MAPKAP1: variants seen among roughly 807,000 people sequenced by gnomAD.
MAPKAP1 encodes the protein target of rapamycin complex 2 subunit MAPKAP1.
MAPKAP1 carries 20 observed loss-of-function variants against 65.7 expected under a neutral mutation model. The observed-to-expected ratio is 0.30, with a 90% CI of 0.21 to 0.44. The LOEUF is 0.44. Ranked by LOEUF, MAPKAP1 falls within the 20% of genes least tolerant of loss-of-function variation. The pLI is 1.00. For missense variants in MAPKAP1, 423 were observed against 648.0 expected (o/e 0.65, Z 3.77); for synonymous variants, 222 against 244.3 (o/e 0.91, Z 0.85).
chr9:125,692,545 C>T (rs1835201844), intron 1 of MAPKAP1, among the ~76,000 whole-genome samples: 1 of 152,034 alleles, frequency 6.6e-6, no homozygotes, highest in South Asian at 2.1e-4. Flanking sequence ...TCTGAGGTGA[C>T]AAAAATGTTC....
At chr9:125,689,281 C>A (rs1835085532) in intron 1 of MAPKAP1, among the ~76,000 whole-genome samples, 1 of 151,040 alleles carries the variant, frequency 6.6e-6, no homozygotes, top group South Asian at 2.1e-4. Context: ...ACTAAAAATA[C>A]AAAAAATTAG....
chr9:125,506,299 G>A lies in MAPKAP1; in HGVS notation c.1066+11C>T, dbSNP rs376117399. 8.5e-4 allele frequency: 1,365 copies of A among 1,610,162 alleles called. 11 individuals are homozygous for A. Among genetic ancestry groups the A allele is most frequent in the South Asian group, 5.3e-3 (486 of 91,016 alleles). On this transcript the variant is annotated intron_variant, in intron 8 of 11. Coordinates refer to ENST00000265960, the MANE Select transcript of MAPKAP1 (RefSeq NM_001006617.3). ...GGACAAAGCGGGCATGGAGCGAGGCGGCCAACGTACTGTTCTCGCGGACCA... is the reference window on the plus strand; with the variant it reads ...GGACAAAGCGGGCATGGAGCGAGGCAGCCAACGTACTGTTCTCGCGGACCA...
chr9:125,495,961 C>CA (rs376464460), intron 8 of MAPKAP1, among the ~76,000 whole-genome samples: 17 of 152,230 alleles, frequency 1.1e-4, no homozygotes, highest in African/African-American at 3.9e-4. Flanking sequence ...CTCAGGCAGA[C>CA]ACACTCAGTA....
intron 10 of MAPKAP1, among the ~76,000 whole-genome samples, chr9:125,456,463 C>A (rs997841799): frequency 2.6e-5 from 4 of 152,184 alleles, no homozygotes; most frequent in African/African-American, 9.7e-5. Context: ...TGAAATGGCT[C>A]CCAATGATCC....
At chr9:125,560,063 C>A (rs926725343) in intron 5 of MAPKAP1, among the ~76,000 whole-genome samples, 1 of 152,186 alleles carries the variant, frequency 6.6e-6, no homozygotes, top group Non-Finnish European at 1.5e-5. Context: ...AGCCCTATTG[C>A]AGCTACGACA....
chr9:125,613,893 G>C (rs1026316900), intron 4 of MAPKAP1, among the ~76,000 whole-genome samples: 6 of 151,866 alleles, frequency 4.0e-5, no homozygotes, highest in Non-Finnish European at 5.9e-5. Context: ...CGCCTCCCAG[G>C]TTCACGCCAT....
intron 3 of MAPKAP1, among the ~76,000 whole-genome samples, chr9:125,663,866 T>C (rs541676450): frequency 1.3e-5 from 2 of 152,240 alleles, no homozygotes; most frequent in South Asian, 4.1e-4. Flanking sequence ...ATATAAACAG[T>C]TGGACTTCAC....
intron 1 of MAPKAP1, among the ~76,000 whole-genome samples, chr9:125,676,623 T>C (rs1834653352): frequency 6.6e-6 from 1 of 152,114 alleles, no homozygotes; most frequent in Non-Finnish European, 1.5e-5. Context: ...AAGGTAGTAA[T>C]GGGGAAAAAG....
At chr9:125,612,205 A>G (rs906168809) in intron 4 of MAPKAP1, among the ~76,000 whole-genome samples, 3 of 152,188 alleles carry the variant, frequency 2.0e-5, no homozygotes, top group Non-Finnish European at 4.4e-5. Flanking sequence ...TCAGATTTTC[A>G]GAGTAAGAAT....
In MAPKAP1 at chr9:125,506,312, T is replaced by C. The variant is rs780342096; in HGVS notation, c.1064A>G (p.Asn355Ser). The C allele has an allele frequency of 1.2e-6, 2 of 1,613,868 alleles. No individual in the cohort carries two copies. Among genetic ancestry groups the C allele is most frequent in the Non-Finnish European group, 8.5e-7 (1 of 1,179,874 alleles). The change falls in exon 8 of 12, where the codon AAC becomes AGC. Residue 355 changes from asparagine (N) to serine (S), a missense_variant and splice_region_variant. Around this residue, in one of 6 missense-constraint regions of MAPKAP1, gnomAD observed 185 missense variants for 268.1 expected, o/e 0.69. Coordinates refer to ENST00000265960, the MANE Select transcript of MAPKAP1 (RefSeq NM_001006617.3). ...SAWEFCLVRE[N>S]SSRADGVFEE... Reference sequence around the variant, plus strand: ...ATGGAGCGAGGCGGCCAACGTACTGTTCTCGCGGACCAGGCAGAACTCCCA... The same window carrying C: ...ATGGAGCGAGGCGGCCAACGTACTGCTCTCGCGGACCAGGCAGAACTCCCA...
rs772285606 is a variant in MAPKAP1, at chr9:125,559,674, T to C, written c.807A>G (p.Ser269=). Residue 269 remains serine, a synonymous_variant, in exon 6 of 12, where the codon TCA becomes TCG. Coordinates refer to ENST00000265960, the MANE Select transcript of MAPKAP1 (RefSeq NM_001006617.3). Reference sequence around the variant, plus strand: ...ACTCTTTGGATGTCAGACCAGGAGATGAGTACTTTTCAACCAGGGCCAAAG... The same window carrying C: ...ACTCTTTGGATGTCAGACCAGGAGACGAGTACTTTTCAACCAGGGCCAAAG... ...FSTLALVEKY[S]SPGLTSKESL... 5.6e-6 allele frequency: 9 copies of C among 1,613,908 alleles called. No individual in the cohort carries two copies. The highest frequency in any genetic ancestry group is 7.6e-6 in the Non-Finnish European group (9 of 1,179,888).
intron 1 of MAPKAP1, among the ~76,000 whole-genome samples, chr9:125,679,152 C>T (rs1279425389): frequency 6.6e-6 from 1 of 152,088 alleles, no homozygotes; most frequent in Non-Finnish European, 1.5e-5. Flanking sequence ...TAAGTGTGCA[C>T]CACCACGCCC....
chr9:125,696,825 C>T (rs940640372), intron 1 of MAPKAP1, among the ~76,000 whole-genome samples: 2 of 152,168 alleles, frequency 1.3e-5, no homozygotes, highest in Non-Finnish European at 2.9e-5. Flanking sequence ...ATTCATGAAT[C>T]GCTGTTTGTG....
chr9:125,444,601 G>A lies in MAPKAP1; in HGVS notation c.1346-3C>T. 3 of 1,607,822 alleles carry A rather than the reference G, an allele frequency of 1.9e-6. No individual in the cohort carries two copies. The South Asian group carries it at 3.3e-5, about 18-fold the overall frequency. On this transcript the variant is annotated splice_polypyrimidine_tract_variant and splice_region_variant and intron_variant, in intron 10 of 11. Coordinates refer to ENST00000265960, the MANE Select transcript of MAPKAP1 (RefSeq NM_001006617.3). The stretch of plus-strand genomic sequence containing the variant: ...CGTGAGTTTAAATATTGCGTGACCT[G>A]CAGAGACAGAAAACTGTGTTGAGGG...
At chr9:125,508,059 G>A (rs546081442) in intron 7 of MAPKAP1, among the ~76,000 whole-genome samples, 2 of 152,226 alleles carry the variant, frequency 1.3e-5, no homozygotes, top group African/African-American at 4.8e-5. Context: ...CCAGCTACTC[G>A]GGAGGCTGAG....
intron 8 of MAPKAP1, among the ~76,000 whole-genome samples, chr9:125,500,249 G>A (rs1233073258): frequency 2.0e-5 from 3 of 152,022 alleles, no homozygotes; most frequent in African/African-American, 7.3e-5. Context: ...GTGCAGTGGC[G>A]TGATCTTGGC....
chr9:125,592,642 T>C (rs1391942594), intron 4 of MAPKAP1, among the ~76,000 whole-genome samples: 2 of 152,236 alleles, frequency 1.3e-5, no homozygotes, highest in South Asian at 2.1e-4. Flanking sequence ...CAGTGGCTCA[T>C]GCCTGTAATC....
intron 4 of MAPKAP1, among the ~76,000 whole-genome samples, chr9:125,634,353 G>A (rs1242940686): frequency 6.6e-6 from 1 of 152,128 alleles, no homozygotes; most frequent in Non-Finnish European, 1.5e-5. Context: ...TTATTTAAAA[G>A]TCATCCCTAA....
intron 3 of MAPKAP1, among the ~76,000 whole-genome samples, chr9:125,658,547 C>G (rs945253664): frequency 6.6e-6 from 1 of 152,130 alleles, no homozygotes. Context: ...TAATAAGTAA[C>G]AGAACTAGAA....
Sources: gnomAD v4.1 joint callset for allele counts (sites outside exome capture counted in the v4.1 genomes callset) on GRCh38, gnomAD v4.1.1 for gene constraint, gnomAD v4.1.1 regional missense constraint, MANE v1.5 for transcripts, NCBI Gene and HGNC (gene_info 2026-07-23, HGNC 2026-07-21) for gene names.